The following RAI14 variants were observed in gnomAD, a reference collection of about 807,000 sequenced individuals.
RAI14 encodes ankycorbin.
RAI14 carries 45 observed loss-of-function variants against 115.4 expected under a neutral mutation model. The observed-to-expected ratio is 0.39, with a 90% CI of 0.31 to 0.50. RAI14 has a LOEUF of 0.50. Among genes scored for constraint, RAI14 ranks in the 20% least tolerant of loss-of-function variants. The pLI is 0.85. For synonymous variants in RAI14, 371 were observed against 415.4 expected, an observed-to-expected ratio of 0.89 and a Z score of 1.30; for missense variants, 939 against 1,131.2, an observed-to-expected ratio of 0.83 and a Z score of 2.44.
At chr5:34,824,884 C>T (rs1378127075) in intron 15 of RAI14, among the ~76,000 whole-genome samples, 3 of 139,414 alleles carry the variant, frequency 2.2e-5, no homozygotes, top group Non-Finnish European at 4.5e-5. Flanking sequence ...GTGGAGGTTG[C>T]AGTGAGCCAA....
chr5:34,826,384 TC>T lies in RAI14; in HGVS notation c.2707del (p.Gln903SerfsTer64). 6.2e-7 allele frequency: 1 copy of T among 1,614,104 alleles called. No homozygotes were observed. The highest frequency in any genetic ancestry group is 8.5e-7 in the Non-Finnish European group (1 of 1,179,998). On this transcript the variant is annotated frameshift_variant, in exon 16 of 18. Coordinates refer to ENST00000265109, the MANE Select transcript of RAI14 (RefSeq NM_015577.3). LOFTEE classifies it high-confidence loss of function. ...TKLKEALNSL[S>X]QLSYSTSSSK... The stretch of plus-strand genomic sequence containing the variant: ...ATTGAAGGAGGCCTTGAACAGCCTC[TC>T]CCAGCTCTCCTACTCAACAAGCTCA...
intron 12 of RAI14, among the ~76,000 whole-genome samples, chr5:34,817,777 A>C (rs963846515): frequency 1.3e-5 from 2 of 152,198 alleles, no homozygotes; most frequent in African/African-American, 2.4e-5. Flanking sequence ...AGGAATTCTA[A>C]GAAATGTGAA....
At chr5:34,830,274 A>G (rs1757897950) in intron 17 of RAI14, among the ~76,000 whole-genome samples, 1 of 152,100 alleles carries the variant, frequency 6.6e-6, no homozygotes, top group South Asian at 2.1e-4. Context: ...ATGAGCCACC[A>G]TGCCCCACCC....
intron 13 of RAI14, among the ~76,000 whole-genome samples, chr5:34,819,343 T>C (rs1313216834): frequency 6.6e-6 from 1 of 152,232 alleles, no homozygotes; most frequent in African/African-American, 2.4e-5. Flanking sequence ...CATTTAAAAA[T>C]ATCATGTTCA....
chr5:34,687,604 A>G (rs1016101360), intron 2 of RAI14: 1 of 1,515,008 alleles, frequency 6.6e-7, no homozygotes, highest in East Asian at 2.5e-5. Context: ...ATATTTTTTT[A>G]AAAGGTCACC....
At chr5:34,674,406 G>A (rs1402407793) in intron 1 of RAI14, among the ~76,000 whole-genome samples, 1 of 152,120 alleles carries the variant, frequency 6.6e-6, no homozygotes, top group African/African-American at 2.4e-5. Context: ...TCAAAACTGA[G>A]TCAAAGAACC....
At chr5:34,691,285 A>G (rs1738566671) in intron 2 of RAI14, among the ~76,000 whole-genome samples, 1 of 152,234 alleles carries the variant, frequency 6.6e-6, no homozygotes, top group African/African-American at 2.4e-5. Flanking sequence ...TACCTGTGGC[A>G]TGGCCCTGAG....
intron 12 of RAI14, among the ~76,000 whole-genome samples, chr5:34,815,003 T>G (rs761600872): frequency 6.6e-6 from 1 of 151,728 alleles, no homozygotes; most frequent in Non-Finnish European, 1.5e-5. Flanking sequence ...TCCCAGCACT[T>G]TGGGAGGCCA....
chr5:34,801,366 G>C (rs1754238140), intron 4 of RAI14, among the ~76,000 whole-genome samples: 1 of 152,222 alleles, frequency 6.6e-6, no homozygotes. Flanking sequence ...TGGCCCACTA[G>C]TTTTTAAATA....
chr5:34,687,439 T>TC (rs1561238101), intron 2 of RAI14: 1 of 695,484 alleles, frequency 1.4e-6, no homozygotes, highest in Non-Finnish European at 2.0e-6. Flanking sequence ...GTACCTTTCC[T>TC]CCCCCCGAAT....
chr5:34,802,389 A>G (rs1418985353), intron 4 of RAI14, among the ~76,000 whole-genome samples: 2 of 152,162 alleles, frequency 1.3e-5, no homozygotes, highest in Non-Finnish European at 2.9e-5. Flanking sequence ...AACATGTCCT[A>G]AAGTATGGGA....
chr5:34,788,376 C>T (rs1354794914), intron 3 of RAI14, among the ~76,000 whole-genome samples: 3 of 152,254 alleles, frequency 2.0e-5, no homozygotes, highest in Middle Eastern at 3.4e-3. Flanking sequence ...AAAAATGTCT[C>T]CAGACATTGC....
At chr5:34,656,967 G>C (rs1007012306) in intron 1 of RAI14, 3 of 152,302 alleles carry the variant, frequency 2.0e-5, no homozygotes, top group Non-Finnish European at 2.9e-5. Context: ...GAGGTGGGGA[G>C]GGAGGTGCGA....
At chr5:34,758,028 A>G (rs1025520328) in intron 3 of RAI14, among the ~76,000 whole-genome samples, 5 of 152,234 alleles carry the variant, frequency 3.3e-5, no homozygotes, top group African/African-American at 9.6e-5. Flanking sequence ...GGTTTGCTGT[A>G]TGTAGTACTC....
At chr5:34,756,085 G>T (rs765378910) in intron 2 of RAI14, among the ~76,000 whole-genome samples, 1 of 152,176 alleles carries the variant, frequency 6.6e-6, no homozygotes, top group African/African-American at 2.4e-5. Flanking sequence ...GTCCTGAGAC[G>T]TTCAGAGATG....
chr5:34,799,524 ACACACACAC>A (rs1159516536), intron 4 of RAI14, among the ~76,000 whole-genome samples: 8 of 117,274 alleles, frequency 6.8e-5, no homozygotes, highest in African/African-American at 2.3e-4. Context: ...ACACACACAC[ACACACACAC>A]ACACACAAAA....
At chr5:34,694,437 C>T (rs1738985302) in intron 2 of RAI14, among the ~76,000 whole-genome samples, 1 of 152,158 alleles carries the variant, frequency 6.6e-6, no homozygotes, top group Non-Finnish European at 1.5e-5. Context: ...TCAGTATGTC[C>T]ATAAAGATGA....
At chr5:34,723,169 A>T (rs1488387839) in intron 2 of RAI14, among the ~76,000 whole-genome samples, 17 of 151,462 alleles carry the variant, frequency 1.1e-4, no homozygotes, top group Admixed American at 1.1e-3. Context: ...GTGAGGGTAT[A>T]TATTAGAGTT....
intron 2 of RAI14, chr5:34,687,632 A>G (rs1738015539): frequency 4.5e-6 from 7 of 1,549,626 alleles, no homozygotes; most frequent in Middle Eastern, 1.7e-4. Context: ...CCCTTCTATG[A>G]TCCCAGTCTT....
Sources: allele counts gnomAD v4.1 joint callset (sites outside exome capture counted in the v4.1 genomes callset), GRCh38; gene constraint gnomAD v4.1.1; transcripts MANE v1.5; gene names NCBI Gene and HGNC (gene_info 2026-07-23, HGNC 2026-07-21).